The following MAGI2 variants were observed in gnomAD, a reference collection of about 807,000 sequenced individuals.
MAGI2 encodes membrane-associated guanylate kinase, WW and PDZ domain-containing protein 2.
In MAGI2, 35 loss-of-function variants were observed where a neutral mutation model predicts 133.3. The observed-to-expected ratio is 0.26, with a 90% CI of 0.20 to 0.35. The LOEUF (loss-of-function observed/expected upper bound fraction) is 0.35. Ranked by LOEUF, MAGI2 falls within the 10% of genes least tolerant of loss-of-function variation. MAGI2 has a pLI of 1.00. For missense variants in MAGI2, 1,636 were observed against 1,863.4 expected, an observed-to-expected ratio of 0.88 and a Z score of 2.25; for synonymous variants, 729 against 710.6, an observed-to-expected ratio of 1.03 and a Z score of -0.41.
At chr7:78,856,937 G>C (rs1479975185) in intron 2 of MAGI2, among the ~76,000 whole-genome samples, 1 of 152,100 alleles carries the variant, frequency 6.6e-6, no homozygotes, top group African/African-American at 2.4e-5. Context: ...TTGAGCAGTG[G>C]TTTGTAGTTC....
chr7:78,942,352 A>T (rs1563689354), intron 2 of MAGI2, among the ~76,000 whole-genome samples: 1 of 152,152 alleles, frequency 6.6e-6, no homozygotes, highest in South Asian at 2.1e-4. Context: ...TGGAAAAAAA[A>T]TCTTGAAAAA....
chr7:78,922,527 A>C (rs570384051), intron 2 of MAGI2, among the ~76,000 whole-genome samples: 26 of 151,668 alleles, frequency 1.7e-4, no homozygotes, highest in African/African-American at 4.8e-4. Context: ...TGAACTCATC[A>C]TTTTTTATGG....
At chr7:78,319,681 A>G (rs549364248) in intron 9 of MAGI2, among the ~76,000 whole-genome samples, 130 of 152,354 alleles carry the variant, frequency 8.5e-4, no homozygotes, top group Admixed American at 1.5e-3. Flanking sequence ...AGCAGGAAAG[A>G]TCTAAAATTG....
At chr7:79,131,270 G>C (rs1385754812) in intron 1 of MAGI2, among the ~76,000 whole-genome samples, 4 of 152,170 alleles carry the variant, frequency 2.6e-5, no homozygotes, top group African/African-American at 9.7e-5. Flanking sequence ...AACATGGCTA[G>C]TGAGTGTTAA....
In MAGI2 at chr7:78,608,237, T is replaced by C. The variant is rs1399195312; in HGVS notation, c.538+18883A>G. On this transcript the variant is annotated intron_variant, in intron 3 of 21. Coordinates refer to ENST00000354212, the MANE Select transcript of MAGI2 (RefSeq NM_012301.4). ...CTTTGCTTTGGTGGGGGTGGAGTCATAGCATAACCCTTCAAATCAATCCTC... is the reference window on the plus strand; with the variant it reads ...CTTTGCTTTGGTGGGGGTGGAGTCACAGCATAACCCTTCAAATCAATCCTC... Among the ~76,000 whole-genome samples, 3 of 152,094 alleles carry C rather than the reference T, an allele frequency of 2.0e-5. No homozygotes were observed. In the East Asian group the frequency reaches 5.8e-4, roughly 29 times the overall value.
At chr7:78,285,571 T>C (rs753801793) in intron 9 of MAGI2, 9 of 152,132 alleles carry the variant, frequency 5.9e-5, no homozygotes, top group Non-Finnish European at 1.2e-4. Flanking sequence ...GTTTGGGAAA[T>C]GGGGAAACTA....
chr7:79,108,531 CTGATTG>C (rs1818633724), intron 1 of MAGI2, among the ~76,000 whole-genome samples: 3 of 152,126 alleles, frequency 2.0e-5, no homozygotes, highest in African/African-American at 7.2e-5. Flanking sequence ...TTTCTCAATC[CTGATTG>C]TGATTAATAC....
At chr7:79,220,197 G>T (rs533678273) in intron 1 of MAGI2, among the ~76,000 whole-genome samples, 2 of 151,990 alleles carry the variant, frequency 1.3e-5, no homozygotes, top group South Asian at 2.1e-4. Context: ...ATTCCTTACA[G>T]GATGGTGATG....
intron 1 of MAGI2, among the ~76,000 whole-genome samples, chr7:79,168,351 T>G (rs1825151046): frequency 6.6e-6 from 1 of 152,110 alleles, no homozygotes; most frequent in Admixed American, 6.6e-5. Context: ...GCTAAATGAT[T>G]GTGTAGGTAA....
At chr7:79,010,233 G>GCA (rs1807920498) in intron 1 of MAGI2, among the ~76,000 whole-genome samples, 1 of 4,882 alleles carries the variant, frequency 2.0e-4, no homozygotes, top group South Asian at 0.016. Context: ...TGATACATAT[G>GCA]TATATGTATG....
chr7:79,302,372 C>G (rs1395301616), intron 1 of MAGI2, among the ~76,000 whole-genome samples: 1 of 152,266 alleles, frequency 6.6e-6, no homozygotes, highest in East Asian at 1.9e-4. Flanking sequence ...CAGCATTTCA[C>G]AGCTAACATA....
At chr7:78,022,870 T>G (rs1165181208) in intron 21 of MAGI2, among the ~76,000 whole-genome samples, 1 of 152,098 alleles carries the variant, frequency 6.6e-6, no homozygotes, top group Admixed American at 6.5e-5. Context: ...TTATAAAAGT[T>G]TCTCAAGAGT....
At chr7:78,180,621 A>T (rs1465301439) in intron 13 of MAGI2, among the ~76,000 whole-genome samples, 1 of 152,150 alleles carries the variant, frequency 6.6e-6, no homozygotes, top group Non-Finnish European at 1.5e-5. Context: ...CATTTTGGTG[A>T]CAATACCGAT....
chr7:78,456,410 AT>A (rs574097086), intron 6 of MAGI2, among the ~76,000 whole-genome samples: 57 of 152,072 alleles, frequency 3.7e-4, no homozygotes, highest in Non-Finnish European at 7.2e-4. Context: ...GTAAAGTGGC[AT>A]TTTTCAGGGA....
At chr7:79,288,180 C>T (rs1357086597) in intron 1 of MAGI2, among the ~76,000 whole-genome samples, 2 of 152,148 alleles carry the variant, frequency 1.3e-5, no homozygotes, top group African/African-American at 4.8e-5. Context: ...AAGCCTGGCT[C>T]TGTCCCAAAG....
chr7:79,077,597 AAATAAAT>A (rs1562865608), intron 1 of MAGI2, among the ~76,000 whole-genome samples: 415 of 17,680 alleles, frequency 0.023, 80 homozygotes, highest in African/African-American at 0.063. Flanking sequence ...AAAAAAAAAT[AAATAAAT>A]AAATAAATTC....
intron 1 of MAGI2, among the ~76,000 whole-genome samples, chr7:79,277,331 C>T (rs1359380571): frequency 1.3e-5 from 2 of 152,020 alleles, no homozygotes; most frequent in African/African-American, 2.4e-5. Flanking sequence ...AAAATACATA[C>T]ATTGTGTTTT....
At position 78,501,484 on chromosome 7, in the gene MAGI2, C is replaced by CTTT. The variant is rs554529806; in HGVS notation, c.965+90_965+92dup. The stretch of plus-strand genomic sequence containing the variant: ...TGTTACCAGAATTTCATGTTTTTTT[C>CTTT]TTTTTTTTTTTTTTTCCACGTCTAA... On this transcript the variant is annotated intron_variant, in intron 5 of 21. Transcript: ENST00000354212. 4,522 of 833,708 alleles carry CTTT rather than the reference C, an allele frequency of 5.4e-3. 76 individuals are homozygous for CTTT. In the African/African-American group the frequency reaches 0.055, roughly 10 times the overall value. 51.6% of individuals were successfully genotyped at this position (833,708 alleles called of 1,614,324 possible).
intron 8 of MAGI2, 23 bp downstream of exon 8, chr7:78,345,899 T>C: frequency 1.2e-6 from 2 of 1,610,562 alleles, no homozygotes; most frequent in Non-Finnish European, 1.7e-6. Flanking sequence ...CTTTGAAACA[T>C]CACATGCTGA....
Sources: gnomAD v4.1 joint callset for allele counts (sites outside exome capture counted in the v4.1 genomes callset) on GRCh38, gnomAD v4.1.1 for gene constraint, MANE v1.5 for transcripts, NCBI Gene and HGNC (gene_info 2026-07-23, HGNC 2026-07-21) for gene names.